The following ZMYND8 variants were observed in gnomAD, a reference collection of about 807,000 sequenced individuals.
ZMYND8 encodes MYND-type zinc finger-containing chromatin reader ZMYND8.
In ZMYND8, 37 loss-of-function variants were observed where a neutral mutation model predicts 140.8. The ratio of observed to expected loss-of-function variants is 0.26; its 90% confidence interval spans 0.20 to 0.35. The LOEUF (loss-of-function observed/expected upper bound fraction) is 0.35, where lower values mean the gene tolerates loss of function less well. Ranked by LOEUF, ZMYND8 falls within the 10% of genes least tolerant of loss-of-function variation. The pLI is 1.00. For missense variants in ZMYND8, 1,068 were observed against 1,570.0 expected (o/e 0.68, Z 5.40); for synonymous variants, 592 against 597.1 (o/e 0.99, Z 0.12).
intron 2 of ZMYND8, among the ~76,000 whole-genome samples, chr20:47,337,274 T>A (rs1256213202): frequency 1.3e-5 from 2 of 151,946 alleles, no homozygotes; most frequent in African/African-American, 4.8e-5. Flanking sequence ...ATCAATTGAA[T>A]CCAGGAGGCG....
At chr20:47,282,064 T>G in intron 10 of ZMYND8, 38 bp downstream of exon 10, 1 of 1,552,242 alleles carries the variant, frequency 6.4e-7, no homozygotes, top group Non-Finnish European at 8.8e-7. Flanking sequence ...CAAAGTTCAG[T>G]GAAAGCTACA....
chr20:47,232,995 C>T (rs771144858), intron 16 of ZMYND8, among the ~76,000 whole-genome samples: 3 of 151,124 alleles, frequency 2.0e-5, no homozygotes, highest in Non-Finnish European at 4.4e-5. Context: ...CAACGTCCAT[C>T]CCCTGGGTTC....
At chr20:47,337,920 T>G (rs960128469) in intron 2 of ZMYND8, among the ~76,000 whole-genome samples, 1 of 151,982 alleles carries the variant, frequency 6.6e-6, no homozygotes. Flanking sequence ...GAGAGGGGCG[T>G]AAAAATTGAA....
At chr20:47,289,848 G>A (rs2147953749) in intron 7 of ZMYND8, among the ~76,000 whole-genome samples, 1 of 152,364 alleles carries the variant, frequency 6.6e-6, no homozygotes, top group East Asian at 1.9e-4. Flanking sequence ...CCAACAGGCT[G>A]ATAGGAATGT....
At chr20:47,317,713 C>T (rs1169848022) in intron 2 of ZMYND8, among the ~76,000 whole-genome samples, 2 of 152,158 alleles carry the variant, frequency 1.3e-5, no homozygotes, top group African/African-American at 4.8e-5. Context: ...TAGGTCAAGG[C>T]ATATGCTCTC....
intron 2 of ZMYND8, among the ~76,000 whole-genome samples, chr20:47,313,345 G>T (rs940342298): frequency 6.6e-6 from 1 of 152,004 alleles, no homozygotes; most frequent in African/African-American, 2.4e-5. Context: ...GCTGGAGGCC[G>T]GGCGCAGTGG....
chr20:47,280,501 G>A (rs919109806), intron 10 of ZMYND8, among the ~76,000 whole-genome samples: 6 of 152,174 alleles, frequency 3.9e-5, no homozygotes, highest in African/African-American at 1.4e-4. Flanking sequence ...ACCTTCAGTC[G>A]CTGTCTGACG....
rs565466076 is a variant in ZMYND8 at position 47,280,674 on chromosome 20, T to C, written c.998+1428A>G. 9.2e-5 allele frequency among the ~76,000 whole-genome samples: 14 copies of C among 152,292 alleles called. No homozygotes were observed. The South Asian group carries it at 2.3e-3, about 25-fold the overall frequency. Reference sequence around the variant, plus strand: ...CATACTGTATTACTGTATCAACCTATAGAGTAAGAATCTCAAATCATCAAG... The same window carrying C: ...CATACTGTATTACTGTATCAACCTACAGAGTAAGAATCTCAAATCATCAAG... On this transcript the variant is annotated intron_variant, in intron 10 of 22. Coordinates refer to ENST00000471951, the MANE Select transcript of ZMYND8 (RefSeq NM_001281775.3).
At chr20:47,256,496 T>G (rs915600759) in intron 12 of ZMYND8, among the ~76,000 whole-genome samples, 1 of 152,126 alleles carries the variant, frequency 6.6e-6, no homozygotes, top group African/African-American at 2.4e-5. Flanking sequence ...GGCGGGCACC[T>G]GTAGTCCCAG....
chr20:47,304,656 A>G (rs1273530461), intron 3 of ZMYND8, among the ~76,000 whole-genome samples: 1 of 152,242 alleles, frequency 6.6e-6, no homozygotes, highest in Non-Finnish European at 1.5e-5. Context: ...CCATAGCTTC[A>G]GCTATCATTC....
chr20:47,354,400 G>A (rs1196723272), intron 1 of ZMYND8: 1 of 152,188 alleles, frequency 6.6e-6, no homozygotes, highest in Non-Finnish European at 1.5e-5. Flanking sequence ...CAAGAACCTC[G>A]ATATGTAATT....
Position 47,294,665 on chromosome 20 carries a change from C to T in ZMYND8, c.567+1G>A. On this transcript the variant is annotated splice_donor_variant, in intron 5 of 22. Transcript: ENST00000471951. LOFTEE classifies it high-confidence loss of function. Reference sequence around the variant, plus strand: ...TATACCAAGAGGAACTTTCTTCTTACCCCTGGCTGTTTCATTTTCTGAATG... The same window carrying T: ...TATACCAAGAGGAACTTTCTTCTTATCCCTGGCTGTTTCATTTTCTGAATG... 1 of 1,613,550 alleles carries T rather than the reference C, an allele frequency of 6.2e-7. No individual in the cohort carries two copies. The highest frequency in any genetic ancestry group is 8.5e-7 in the Non-Finnish European group (1 of 1,179,482).
intron 2 of ZMYND8, among the ~76,000 whole-genome samples, chr20:47,314,894 G>C (rs1481832349): frequency 6.6e-6 from 1 of 152,196 alleles, no homozygotes; most frequent in Non-Finnish European, 1.5e-5. Flanking sequence ...CCGGGAGAAA[G>C]GGACTAGACT....
intron 12 of ZMYND8, among the ~76,000 whole-genome samples, chr20:47,253,582 A>C (rs1471266730): frequency 6.6e-6 from 1 of 151,732 alleles, no homozygotes; most frequent in East Asian, 1.9e-4. Context: ...TTGCCAGGTG[A>C]TCCTAATTGG....
chr20:47,227,237 G>A lies in ZMYND8; in HGVS notation c.2982C>T (p.His994=). The A allele has an allele frequency of 1.9e-6, 3 of 1,614,200 alleles. No homozygotes were observed. Among genetic ancestry groups the A allele is most frequent in the South Asian group, 2.2e-5 (2 of 91,086 alleles). The change falls in exon 18 of 23, where the codon CAC becomes CAT. Residue 994 remains histidine (H), a synonymous_variant. Coordinates refer to ENST00000471951, the MANE Select transcript of ZMYND8 (RefSeq NM_001281775.3). Reference sequence around the variant, plus strand: ...GTTTCATTTCGGAGAGCTCTTGCTGGTGCAGCCACTGGAGCTTCTCTATCT... The same window carrying A: ...GTTTCATTTCGGAGAGCTCTTGCTGATGCAGCCACTGGAGCTTCTCTATCT... The part of the protein sequence containing the change: ...RIEIEKLQWL[H]QQELSEMKHN...
In ZMYND8 at chr20:47,313,402, T is replaced by C. The variant is rs570923749; in HGVS notation, c.86-3198A>G. On this transcript the variant is annotated intron_variant, in intron 2 of 22. Coordinates refer to ENST00000471951, the MANE Select transcript of ZMYND8 (RefSeq NM_001281775.3). ...CTTTGGGAGGCCAAGGCGGGCGGAT[T>C]ACAAAGTCAGGAGATCGAGACCATC... Among the ~76,000 whole-genome samples the C allele has an allele frequency of 8.8e-3, 1,302 of 147,768 alleles. 13 individuals are homozygous for C. The highest frequency in any genetic ancestry group is 0.01 in the Non-Finnish European group (694 of 66,838).
rs924374983 is a variant in ZMYND8 at position 47,230,827 on chromosome 20, G to A, written c.2857-1021C>T. Among the ~76,000 whole-genome samples the A allele has an allele frequency of 7.2e-5, 11 of 152,026 alleles. No homozygotes were observed. The East Asian group carries it at 1.5e-3, about 21-fold the overall frequency. ...AGAAAATCCCACTCCCCCGGCCTTA[G>A]TCTTCACCTCCTGGTATCCCATCCC... On this transcript the variant is annotated intron_variant, in intron 16 of 22. Transcript: ENST00000471951.
chr20:47,262,286 A>C lies in ZMYND8; in HGVS notation c.1621+2T>G. The C allele has an allele frequency of 6.2e-7, 1 of 1,614,104 alleles. No homozygotes were observed. Among genetic ancestry groups the C allele is most frequent in the Non-Finnish European group, 8.5e-7 (1 of 1,179,998 alleles). On this transcript the variant is annotated splice_donor_variant, in intron 12 of 22. Coordinates refer to ENST00000471951, the MANE Select transcript of ZMYND8 (RefSeq NM_001281775.3). LOFTEE classifies it high-confidence loss of function. The stretch of plus-strand genomic sequence containing the variant: ...AAGATACTGGCAAAAATTCTGACTG[A>C]CCCAGGTTAAGATTCAGGATGCTGC...
intron 16 of ZMYND8, among the ~76,000 whole-genome samples, chr20:47,234,085 G>A (rs1016894155): frequency 1.3e-5 from 2 of 152,166 alleles, no homozygotes; most frequent in African/African-American, 2.4e-5. Flanking sequence ...GTTTCGCTTT[G>A]TAGCCCAGGC....
Sources: gnomAD v4.1 joint callset for allele counts (sites outside exome capture counted in the v4.1 genomes callset) on GRCh38, gnomAD v4.1.1 for gene constraint, MANE v1.5 for transcripts, NCBI Gene and HGNC (gene_info 2026-07-23, HGNC 2026-07-21) for gene names.